Variants in CHST11 observed in about 807,000 individuals in gnomAD.
CHST11 encodes carbohydrate sulfotransferase 11, also known as C4S-1.
In CHST11, 9 loss-of-function variants were observed where a neutral mutation model predicts 30.4. The observed-to-expected ratio is 0.30, with a 90% CI of 0.18 to 0.52. CHST11 has a LOEUF of 0.52. Ranked by LOEUF, CHST11 falls within the 20% of genes least tolerant of loss-of-function variation. CHST11 has a pLI of 0.97. For synonymous variants in CHST11, 152 were observed against 187.8 expected (o/e 0.81, Z 1.56); for missense variants, 348 against 460.6 (o/e 0.76, Z 2.24).
intron 1 of CHST11, among the ~76,000 whole-genome samples, chr12:104,571,408 C>T (rs1309972410): frequency 1.3e-5 from 2 of 152,166 alleles, no homozygotes; most frequent in Non-Finnish European, 2.9e-5. Flanking sequence ...GGTGATCCGC[C>T]CGCTTCGGCC....
chr12:104,610,620 TA>T (rs561536179), intron 2 of CHST11, among the ~76,000 whole-genome samples: 28 of 152,328 alleles, frequency 1.8e-4, no homozygotes, highest in African/African-American at 5.3e-4. Context: ...ACAACTCAAG[TA>T]GCTTCTCAGC....
chr12:104,515,860 A>G (rs1304931242), intron 1 of CHST11, among the ~76,000 whole-genome samples: 1 of 152,214 alleles, frequency 6.6e-6, no homozygotes, highest in East Asian at 1.9e-4. Flanking sequence ...AGCAAGTTCA[A>G]AAGCCTTGGG....
intron 2 of CHST11, among the ~76,000 whole-genome samples, chr12:104,684,256 G>GTGGATGGA (rs71069772): frequency 0.041 from 6,036 of 147,992 alleles, 130 homozygotes; most frequent in African/African-American, 0.046. Context: ...GGTACAAAAT[G>GTGGATGGA]TGGATGGATG....
chr12:104,481,818 C>T (rs1364800481), intron 1 of CHST11, among the ~76,000 whole-genome samples: 1 of 150,132 alleles, frequency 6.7e-6, no homozygotes, highest in East Asian at 2.0e-4. Flanking sequence ...CTCCCTCCCT[C>T]CGTCCCTCTT....
intron 2 of CHST11, among the ~76,000 whole-genome samples, chr12:104,685,549 C>T (rs1269734560): frequency 6.6e-6 from 1 of 152,162 alleles, no homozygotes; most frequent in Non-Finnish European, 1.5e-5. Context: ...AATGTGTGAC[C>T]TCAGGCAAGT....
chr12:104,515,020 C>T (rs895402285), intron 1 of CHST11, among the ~76,000 whole-genome samples: 3 of 151,922 alleles, frequency 2.0e-5, no homozygotes, highest in East Asian at 1.9e-4. Flanking sequence ...AATGTGGTGT[C>T]GTATTATTGG....
chr12:104,472,741 CTG>C (rs2037523123), intron 1 of CHST11, among the ~76,000 whole-genome samples: 1 of 152,068 alleles, frequency 6.6e-6, no homozygotes, highest in Non-Finnish European at 1.5e-5. Flanking sequence ...GAGAGACAAA[CTG>C]TGAAGGAAAG....
At chr12:104,487,599 G>T (rs574891286) in intron 1 of CHST11, among the ~76,000 whole-genome samples, 1 of 152,278 alleles carries the variant, frequency 6.6e-6, no homozygotes, top group African/African-American at 2.4e-5. Flanking sequence ...TGTTTTCATT[G>T]TCCTTATTTT....
intron 1 of CHST11, among the ~76,000 whole-genome samples, chr12:104,593,054 G>T (rs7954312): frequency 0.28 from 42,828 of 151,976 alleles, 6,175 homozygotes; most frequent in African/African-American, 0.34. Context: ...CTTGGATGAA[G>T]CTGCATCTTT....
chr12:104,756,734 A>T (rs1341001920), intron 2 of CHST11, among the ~76,000 whole-genome samples: 4 of 151,900 alleles, frequency 2.6e-5, no homozygotes, highest in Admixed American at 6.6e-5. Context: ...TTTTTTAGAG[A>T]TGAGGTCTCA....
chr12:104,621,766 T>C (rs4964826), intron 2 of CHST11, among the ~76,000 whole-genome samples: 101,268 of 152,074 alleles, frequency 0.67, 34,590 homozygotes, highest in East Asian at 0.91. Context: ...CTTGTGACCT[T>C]CAGAATGGAA....
At chr12:104,733,636 A>G (rs2040274324) in intron 2 of CHST11, among the ~76,000 whole-genome samples, 1 of 152,230 alleles carries the variant, frequency 6.6e-6, no homozygotes, top group Admixed American at 6.5e-5. Flanking sequence ...AGTAATGGTA[A>G]AACTGCAATT....
intron 2 of CHST11, among the ~76,000 whole-genome samples, chr12:104,695,446 A>AGTGTGTGTGT (rs67943103): frequency 6.7e-6 from 1 of 149,352 alleles, no homozygotes; most frequent in African/African-American, 2.5e-5. Context: ...CAACACAATG[A>AGTGTGTGTGT]GTGTGTGTGT....
intron 2 of CHST11, among the ~76,000 whole-genome samples, chr12:104,695,515 A>G (rs2039936526): frequency 6.6e-6 from 1 of 151,970 alleles, no homozygotes; most frequent in Non-Finnish European, 1.5e-5. Flanking sequence ...GCATTTCCTG[A>G]GCACCTACTT....
chr12:104,647,680 G>A (rs889122359), intron 2 of CHST11, among the ~76,000 whole-genome samples: 24 of 152,108 alleles, frequency 1.6e-4, no homozygotes, highest in Non-Finnish European at 3.5e-4. Flanking sequence ...CTATTGGTAT[G>A]CTCTATCCCC....
In CHST11 at chr12:104,760,774, T is replaced by G. The variant is rs1424911454; in HGVS notation, c.*2971T>G. 6.6e-6 allele frequency: 1 copy of G among 152,250 alleles called. No individual in the cohort carries two copies. The highest frequency in any genetic ancestry group is 1.5e-5 in the Non-Finnish European group (1 of 68,042). 9.4% of individuals were successfully genotyped at this position (152,250 alleles called of 1,614,324 possible). On this transcript the variant is annotated 3_prime_UTR_variant, in exon 3 of 3. Coordinates refer to ENST00000303694, the MANE Select transcript of CHST11 (RefSeq NM_018413.6). ...CGTGTTTTGCTTTGTGTTCACATTT[T>G]CTTTTCTAATGGCATTGAAACTTTA...
At position 104,606,960 on chromosome 12, in the gene CHST11, C is replaced by T. The variant is rs960857141; in HGVS notation, c.204+4969C>T. ...GCTCGTGCCTGTAATCTCAGCTACT[C>T]GGGAGGCTGAGGCAGGAAAACCTGG... On this transcript the variant is annotated intron_variant, in intron 2 of 2. Transcript: ENST00000303694. Among the ~76,000 whole-genome samples the T allele has an allele frequency of 8.6e-5, 13 of 151,858 alleles. No individual in the cohort carries two copies. The East Asian group carries it at 1.7e-3, about 20-fold the overall frequency.
intron 2 of CHST11, among the ~76,000 whole-genome samples, chr12:104,721,546 G>T (rs530556398): frequency 6.6e-6 from 1 of 152,328 alleles, no homozygotes; most frequent in Admixed American, 6.5e-5. Flanking sequence ...GTTAGACAGT[G>T]TGCTCAACTC....
intron 1 of CHST11, among the ~76,000 whole-genome samples, chr12:104,596,807 C>T (rs191698116): frequency 7.1e-4 from 108 of 152,276 alleles, no homozygotes; most frequent in African/African-American, 2.4e-3. Context: ...GATATGACTT[C>T]CGTCCCTGGT....
Sources: allele counts gnomAD v4.1 joint callset (sites outside exome capture counted in the v4.1 genomes callset), GRCh38; gene constraint gnomAD v4.1.1; transcripts MANE v1.5; gene names NCBI Gene and HGNC (gene_info 2026-07-23, HGNC 2026-07-21).